Variants in C10orf90 observed in about 807,000 individuals in gnomAD.
C10orf90 encodes the protein chromosome 10 open reading frame 90, also known as (E2-independent) E3 ubiquitin-conjugating enzyme FATS.
C10orf90 carries 56 observed loss-of-function variants against 62.5 expected under a neutral mutation model. That is an observed-to-expected ratio of 0.90 (90% CI 0.72 to 1.12). The LOEUF (loss-of-function observed/expected upper bound fraction) is 1.12. Among genes scored for constraint, C10orf90 ranks in the 50% most tolerant of loss-of-function variants. C10orf90 has a pLI of 0.00. For synonymous variants in C10orf90, 386 were observed against 340.4 expected, an observed-to-expected ratio of 1.13 and a Z score of -1.47; for missense variants, 970 against 880.4, an observed-to-expected ratio of 1.10 and a Z score of -1.29.
At chr10:126,538,676 A>G (rs1864301720) in intron 2 of C10orf90, among the ~76,000 whole-genome samples, 1 of 152,202 alleles carries the variant, frequency 6.6e-6, no homozygotes, top group African/African-American at 2.4e-5. Flanking sequence ...CGCAGAGGGA[A>G]TATGTGACTC....
At chr10:126,516,872 A>AGGCTGCCAGCATTCCTT (rs6144146) in intron 2 of C10orf90, among the ~76,000 whole-genome samples, 1 of 151,928 alleles carries the variant, frequency 6.6e-6, no homozygotes, top group African/African-American at 2.4e-5. Context: ...CAGCTTGTAG[A>AGGCTGCCAGCATTCCTT]GGCTCACAGC....
At chr10:126,656,386 T>C (rs941815950) in intron 1 of C10orf90, among the ~76,000 whole-genome samples, 3 of 152,174 alleles carry the variant, frequency 2.0e-5, no homozygotes, top group African/African-American at 7.2e-5. Flanking sequence ...AAGGTACTCT[T>C]AGTAACTCCA....
At chr10:126,467,647 C>G (rs964620539) in intron 4 of C10orf90, among the ~76,000 whole-genome samples, 2 of 152,256 alleles carry the variant, frequency 1.3e-5, no homozygotes, top group African/African-American at 4.8e-5. Flanking sequence ...TCATGAATGT[C>G]CTTTAAACAG....
intron 2 of C10orf90, among the ~76,000 whole-genome samples, chr10:126,528,852 G>A (rs779891169): frequency 8.5e-5 from 13 of 152,202 alleles, no homozygotes; most frequent in Non-Finnish European, 1.5e-4. Flanking sequence ...GAGAGGATAA[G>A]TCAAACCTAG....
At chr10:126,606,640 T>C (rs1845318318) in intron 2 of C10orf90, among the ~76,000 whole-genome samples, 1 of 152,204 alleles carries the variant, frequency 6.6e-6, no homozygotes, top group South Asian at 2.1e-4. Context: ...TGATTTGCTG[T>C]TAGGATTAGG....
At chr10:126,585,917 G>A (rs1197215128) in intron 2 of C10orf90, among the ~76,000 whole-genome samples, 1 of 152,130 alleles carries the variant, frequency 6.6e-6, no homozygotes, top group Non-Finnish European at 1.5e-5. Flanking sequence ...CACAGAATAA[G>A]AAGTCTTCCA....
chr10:126,496,902 A>G (rs1862091970), intron 4 of C10orf90, among the ~76,000 whole-genome samples: 1 of 152,216 alleles, frequency 6.6e-6, no homozygotes, highest in African/African-American at 2.4e-5. Context: ...GTCAATGCCA[A>G]TGACTCAGTT....
At chr10:126,479,823 C>A (rs1041506347) in intron 4 of C10orf90, among the ~76,000 whole-genome samples, 2 of 152,128 alleles carry the variant, frequency 1.3e-5, no homozygotes, top group African/African-American at 4.8e-5. Flanking sequence ...CAAAAAGGAA[C>A]CAGAGAGATT....
chr10:126,650,972 A>G (rs1846280782), intron 1 of C10orf90, among the ~76,000 whole-genome samples: 1 of 152,192 alleles, frequency 6.6e-6, no homozygotes, highest in Admixed American at 6.5e-5. Context: ...ATCTGCTAAG[A>G]CAATGGTAAC....
intron 2 of C10orf90, among the ~76,000 whole-genome samples, chr10:126,610,169 T>C (rs961942812): frequency 6.6e-6 from 1 of 152,172 alleles, no homozygotes; most frequent in Admixed American, 6.5e-5. Flanking sequence ...TCCACAGGGC[T>C]CCCTGGCCTC....
chr10:126,455,958 T>G (rs972364071), intron 7 of C10orf90, among the ~76,000 whole-genome samples: 2 of 152,204 alleles, frequency 1.3e-5, no homozygotes, highest in Non-Finnish European at 2.9e-5. Context: ...GGCTCCCACT[T>G]GAACCTTTCA....
At chr10:126,526,027 C>G (rs946955710) in intron 2 of C10orf90, among the ~76,000 whole-genome samples, 1 of 107,056 alleles carries the variant, frequency 9.3e-6, no homozygotes, top group African/African-American at 3.9e-5. Context: ...TGCCACAACA[C>G]ACACACACAC....
chr10:126,504,130 G>A lies in C10orf90; in HGVS notation c.1361C>T (p.Thr454Ile). Residue 454 changes from threonine (T) to isoleucine (I), a missense_variant, in exon 4 of 10, where the codon ACC becomes ATC. Coordinates refer to ENST00000488181, the MANE Select transcript of C10orf90 (RefSeq NM_001350921.2). This position sits in a 1 kb window ranked among gnomAD's most constrained non-coding sequence, Gnocchi z 4.1. Reference sequence around the variant, plus strand: ...AGAACCACTCCAAGGACAAGCGCCGGTCCCCAAATGCACCCGCCTCAACGA... The same window carrying A: ...AGAACCACTCCAAGGACAAGCGCCGATCCCCAAATGCACCCGCCTCAACGA... ...TPSLRRVHLG[T>I]GACPWSGSFP... is the part of the protein sequence containing the mutation. The A allele has an allele frequency of 1.2e-6, 2 of 1,614,010 alleles. No individual in the cohort carries two copies. The highest frequency in any genetic ancestry group is 1.7e-6 in the Non-Finnish European group (2 of 1,180,010).
Position 126,620,774 on chromosome 10 carries a change from C to T in C10orf90, c.313+25791G>A, listed in dbSNP as rs145551108. Among the ~76,000 whole-genome samples, 344 of 150,096 alleles carry T rather than the reference C, an allele frequency of 2.3e-3. 8 individuals carry two copies. The East Asian group carries it at 0.032, about 14-fold the overall frequency. On this transcript the variant is annotated intron_variant, in intron 2 of 9. Coordinates refer to ENST00000488181, the MANE Select transcript of C10orf90 (RefSeq NM_001350921.2). ...AAAAAAAAGCTAGAAAGGTGCACTG[C>T]TATTCATTTGTTTTCATTTTGTTTG...
At chr10:126,508,243 A>T (rs1862891759) in intron 3 of C10orf90, among the ~76,000 whole-genome samples, 1 of 151,484 alleles carries the variant, frequency 6.6e-6, no homozygotes, top group African/African-American at 2.4e-5. Flanking sequence ...AGATTTCTAG[A>T]CCTCTCCTTC....
At chr10:126,521,789 T>C (rs1458627064) in intron 2 of C10orf90, among the ~76,000 whole-genome samples, 1 of 152,236 alleles carries the variant, frequency 6.6e-6, no homozygotes, top group Non-Finnish European at 1.5e-5. Flanking sequence ...GACTGATTGG[T>C]TTTCAATTTA....
chr10:126,641,187 G>C (rs149841012), intron 2 of C10orf90, among the ~76,000 whole-genome samples: 1 of 152,066 alleles, frequency 6.6e-6, no homozygotes, highest in Admixed American at 6.6e-5. Flanking sequence ...CCAGGTTCTG[G>C]GATGTTTTTA....
chr10:126,514,180 T>C (rs1326297651), intron 2 of C10orf90, among the ~76,000 whole-genome samples: 1 of 152,208 alleles, frequency 6.6e-6, no homozygotes, highest in Non-Finnish European at 1.5e-5. Context: ...ATATGATCGT[T>C]TGTGTCCCTT....
chr10:126,562,747 G>A (rs978227503), intron 2 of C10orf90, among the ~76,000 whole-genome samples: 1 of 152,200 alleles, frequency 6.6e-6, no homozygotes, highest in Non-Finnish European at 1.5e-5. Context: ...CTGACAGTCA[G>A]CAATATCCAG....
Sources: allele counts gnomAD v4.1 joint callset (sites outside exome capture counted in the v4.1 genomes callset), GRCh38; gene constraint gnomAD v4.1.1; non-coding constraint Gnocchi (gnomAD v3.1); transcripts MANE v1.5; gene names NCBI Gene and HGNC (gene_info 2026-07-23, HGNC 2026-07-21).